Variants in CILK1 observed in about 807,000 individuals in gnomAD.
CILK1 encodes serine/threonine-protein kinase ICK.
CILK1 carries 47 observed loss-of-function variants against 79.2 expected under a neutral mutation model. The ratio of observed to expected loss-of-function variants is 0.59; its 90% CI spans 0.47 to 0.76. CILK1 has a LOEUF of 0.76. CILK1 is among the 30% of genes least tolerant of loss of function. CILK1 has a pLI of 0.00. For missense variants in CILK1, 660 were observed against 769.5 expected (o/e 0.86, Z 1.68); for synonymous variants, 266 against 275.9 (o/e 0.96, Z 0.36).
chr6:53,045,918 C>A (rs540682445), intron 1 of CILK1, among the ~76,000 whole-genome samples: 11 of 151,148 alleles, frequency 7.3e-5, no homozygotes, highest in Middle Eastern at 7.0e-3. Flanking sequence ...AATGGGAAGT[C>A]AATTAAAGTT....
chr6:53,055,813 A>T (rs1767812028), intron 1 of CILK1, among the ~76,000 whole-genome samples: 1 of 152,232 alleles, frequency 6.6e-6, no homozygotes, highest in Non-Finnish European at 1.5e-5. Context: ...ACTAGGACAC[A>T]TAGTTGGCTT....
chr6:53,019,208 T>G lies in CILK1; in HGVS notation c.491+19A>C, dbSNP rs762406250. 6.2e-7 allele frequency: 1 copy of G among 1,606,258 alleles called. No individual in the cohort carries two copies. The highest frequency in any genetic ancestry group is 8.5e-7 in the Non-Finnish European group (1 of 1,172,846). The stretch of plus-strand genomic sequence containing the variant: ...TTAAAGAAGTGCAATTAAATAATTT[T>G]GAGAAAAATGGTATTCACCATCTGG... On this transcript the variant is annotated intron_variant, in intron 6 of 13. Transcript: ENST00000676107.
chr6:53,038,127 A>C, intron 2 of CILK1, 134 bp from the exon 3 acceptor site: 1 of 676,092 alleles, frequency 1.5e-6, no homozygotes, highest in Non-Finnish European at 2.7e-6. Flanking sequence ...CCAGTATTAT[A>C]CTATCCCAAA....
At chr6:53,018,805 A>G (rs1234434867) in intron 6 of CILK1, among the ~76,000 whole-genome samples, 1 of 152,230 alleles carries the variant, frequency 6.6e-6, no homozygotes, top group Non-Finnish European at 1.5e-5. Context: ...GAAGGGAAAA[A>G]CTAAGAGAGA....
chr6:53,029,572 G>T lies in CILK1; in HGVS notation c.358+1493C>A, dbSNP rs16883377. Among the ~76,000 whole-genome samples, 956 of 152,270 alleles carry T rather than the reference G, an allele frequency of 6.3e-3. 15 individuals carry two copies. Among genetic ancestry groups the T allele is most frequent in the African/African-American group, 0.021 (857 of 41,552 alleles). Reference sequence around the variant, plus strand: ...AAAGGACAGGCTGGTAATGATCCCAGATGCACTATGCCACCTTCTTCAGCA... The same window carrying T: ...AAAGGACAGGCTGGTAATGATCCCATATGCACTATGCCACCTTCTTCAGCA... On this transcript the variant is annotated intron_variant, in intron 5 of 13. Coordinates refer to ENST00000676107, the MANE Select transcript of CILK1 (RefSeq NM_014920.5).
intron 13 of CILK1, among the ~76,000 whole-genome samples, chr6:53,005,917 C>T (rs143926659): frequency 6.6e-6 from 1 of 152,290 alleles, no homozygotes; most frequent in African/African-American, 2.4e-5. Context: ...ATTTGCCAGG[C>T]CAGTTCTGCC....
At position 53,013,820 on chromosome 6, in the gene CILK1, G is replaced by T; in HGVS notation, c.994C>A (p.Arg332=). The part of the protein sequence containing the change: ...PAQPPAKPHT[R]ISSRQHQASQ... ...GCTTGATGCTGTCGTGAAGAAATTC[G>T]TGTGTGTGGCTTGGCTGGTGGCTGG... Residue 332 remains arginine (R), a synonymous_variant, in exon 9 of 14, where the codon CGA becomes AGA. Transcript: ENST00000676107. 6.2e-7 allele frequency: 1 copy of T among 1,613,858 alleles called. No individual in the cohort carries two copies. Among genetic ancestry groups the T allele is most frequent in the Non-Finnish European group, 8.5e-7 (1 of 1,179,808 alleles).
At chr6:53,007,414 A>T (rs1764293989) in intron 12 of CILK1, among the ~76,000 whole-genome samples, 2 of 152,248 alleles carry the variant, frequency 1.3e-5, no homozygotes, top group South Asian at 4.1e-4. Context: ...AAAAACTTAT[A>T]GTCAATAAAC....
At chr6:53,061,489 A>C (rs1275256828) in intron 1 of CILK1, 107 bp downstream of exon 1, 2 of 152,366 alleles carry the variant, frequency 1.3e-5, no homozygotes, top group Admixed American at 6.5e-5. Flanking sequence ...TGCGCCTCCG[A>C]TCCGTCGCGG....
chr6:53,009,638 T>C, intron 11 of CILK1, 71 bp from the exon 12 acceptor site: 2 of 1,329,604 alleles, frequency 1.5e-6, no homozygotes, highest in Admixed American at 1.7e-5. Context: ...AAAGATAAAA[T>C]TAATGCAGAA....
chr6:53,015,879 G>A (rs1008407896), intron 8 of CILK1, among the ~76,000 whole-genome samples: 8 of 152,086 alleles, frequency 5.3e-5, no homozygotes, highest in South Asian at 4.1e-4. Flanking sequence ...AATTTTCAAA[G>A]CAACTATATT....
chr6:53,061,267 C>T (rs751381036), intron 1 of CILK1, among the ~76,000 whole-genome samples: 1 of 152,144 alleles, frequency 6.6e-6, no homozygotes, highest in African/African-American at 2.4e-5. Context: ...TGCTCAGACC[C>T]CTTGTGGGAC....
chr6:53,020,047 T>G (rs1313365856), intron 5 of CILK1, among the ~76,000 whole-genome samples: 1 of 152,188 alleles, frequency 6.6e-6, no homozygotes, highest in Non-Finnish European at 1.5e-5. Flanking sequence ...TAAGAAATAA[T>G]TTATGAATAT....
In CILK1 at chr6:53,013,752, C is replaced by T; in HGVS notation, c.1062G>A (p.Glu354=). ...PLHLTYPYKA[E]VSRTDHPSHL... Reference sequence around the variant, plus strand: ...GGCTTGGGTGATCTGTCCTGGAGACCTCTGCTTTGTAGGGGTACGTGAGAT... The same window carrying T: ...GGCTTGGGTGATCTGTCCTGGAGACTTCTGCTTTGTAGGGGTACGTGAGAT... Residue 354 remains glutamate, a synonymous_variant, in exon 9 of 14, where the codon GAG becomes GAA. Transcript: ENST00000676107. 1.2e-6 allele frequency: 2 copies of T among 1,614,096 alleles called. No homozygotes were observed. Among genetic ancestry groups the T allele is most frequent in the East Asian group, 4.5e-5 (2 of 44,888 alleles).
Position 53,013,945 on chromosome 6 carries a change from A to C in CILK1, c.869T>G (p.Leu290Arg). ...RYPYFQVGHP[L>R]GSTTQNLQDS... Reference sequence around the variant, plus strand: ...CTGAAGGTTTTGTGTGGTGCTGCCTAGTGGGTGTCCAACTTGGAAGTAAGG... The same window carrying C: ...CTGAAGGTTTTGTGTGGTGCTGCCTCGTGGGTGTCCAACTTGGAAGTAAGG... Residue 290 changes from leucine (L) to arginine (R), a missense_variant, in exon 9 of 14, where the codon CTA (leucine) becomes CGA (arginine). Coordinates refer to ENST00000676107, the MANE Select transcript of CILK1 (RefSeq NM_014920.5). The C allele has an allele frequency of 6.2e-7, 1 of 1,614,074 alleles. No homozygotes were observed. The highest frequency in any genetic ancestry group is 8.5e-7 in the Non-Finnish European group (1 of 1,180,008).
chr6:53,006,442 T>C lies in CILK1; in HGVS notation c.1622-5A>G. 1.2e-6 allele frequency: 2 copies of C among 1,613,506 alleles called. No individual in the cohort carries two copies. On this transcript the variant is annotated splice_polypyrimidine_tract_variant and splice_region_variant and intron_variant, in intron 12 of 13. Transcript: ENST00000676107. ...AACTTGTAGAGCTGGAACCAACTGA[T>C]TTGCAAAAGCAAAAAGCTCATTATT...
At position 53,018,405 on chromosome 6, in the gene CILK1, G is replaced by T. The variant is rs781313174; in HGVS notation, c.588C>A (p.Leu196=). 1 of 1,614,184 alleles carries T rather than the reference G, an allele frequency of 6.2e-7. No individual in the cohort carries two copies. Among genetic ancestry groups the T allele is most frequent in the South Asian group, 1.1e-5 (1 of 91,080 alleles). The change falls in exon 7 of 14, where the codon CTC becomes CTA. Residue 196 remains leucine, a synonymous_variant. Coordinates refer to ENST00000676107, the MANE Select transcript of CILK1 (RefSeq NM_014920.5). ...VGCIMAEVYT[L]RPLFPGASEI... is the part of the protein sequence containing the mutation. ...CACTGGCTCCAGGGAAGAGTGGCCT[G>T]AGGGTGTAAACTTCTGCCATGATGC...
intron 8 of CILK1, among the ~76,000 whole-genome samples, chr6:53,015,409 C>T (rs554187188): frequency 8.5e-5 from 13 of 152,174 alleles, no homozygotes; most frequent in Non-Finnish European, 1.9e-4. Context: ...AACCAGTGGA[C>T]CTGACTTCAT....
intron 5 of CILK1, among the ~76,000 whole-genome samples, chr6:53,021,745 A>C (rs934518967): frequency 6.6e-6 from 1 of 151,710 alleles, no homozygotes; most frequent in Non-Finnish European, 1.5e-5. Flanking sequence ...TCTAGTATTC[A>C]CTATACTATA....
Sources: allele counts gnomAD v4.1 joint callset (sites outside exome capture counted in the v4.1 genomes callset), GRCh38; gene constraint gnomAD v4.1.1; transcripts MANE v1.5; gene names NCBI Gene and HGNC (gene_info 2026-07-23, HGNC 2026-07-21).